Variants in ZDHHC24 observed in about 807,000 individuals in gnomAD.
The protein encoded by ZDHHC24 is probable palmitoyltransferase ZDHHC24.
ZDHHC24 carries 17 observed loss-of-function variants against 23.2 expected under a neutral mutation model. That is an observed-to-expected ratio of 0.73 (90% confidence interval 0.50 to 1.10). The LOEUF is 1.10. ZDHHC24 is among the 50% of genes least tolerant of loss of function. ZDHHC24 has a pLI of 0.00. For missense variants in ZDHHC24, 366 were observed against 393.0 expected (o/e 0.93, Z 0.58); for synonymous variants, 186 against 194.5 (o/e 0.96, Z 0.36).
At chr11:66,534,365 A>C (rs1204133815), downstream of ZDHHC24, among the ~76,000 whole-genome samples, 1 of 150,666 alleles carries the variant, frequency 6.6e-6, no homozygotes, top group Non-Finnish European at 1.5e-5. Flanking sequence ...ATTGCTTGAA[A>C]CAGGAAGGTG....
chr11:66,526,574 T>G, intron 4 of ZDHHC24: 1 of 1,592,064 alleles, frequency 6.3e-7, no homozygotes, highest in Non-Finnish European at 8.6e-7. Flanking sequence ...GGAGGCAGAT[T>G]GTTTGGGGAA....
intron 4 of ZDHHC24, among the ~76,000 whole-genome samples, chr11:66,525,217 C>G (rs569328001): frequency 6.9e-6 from 1 of 145,884 alleles, no homozygotes; most frequent in African/African-American, 2.6e-5. Flanking sequence ...AAAAAAAAGC[C>G]GGGTGTGATG....
At chr11:66,529,631 C>T (rs1014727256) in intron 2 of ZDHHC24, 9 of 737,228 alleles carry the variant, frequency 1.2e-5, no homozygotes, top group East Asian at 5.4e-5. Flanking sequence ...AGAGGCAGGG[C>T]GAGGCCACGG....
chr11:66,535,199 C>A (rs917673122), downstream of ZDHHC24, among the ~76,000 whole-genome samples: 2 of 151,380 alleles, frequency 1.3e-5, no homozygotes, highest in Non-Finnish European at 3.0e-5. Context: ...GGCCTGGACA[C>A]AACTTTTGTT....
rs1470003473 is a variant in ZDHHC24 at position 66,545,833 on chromosome 11, C to T, written c.171G>A (p.Leu57=). The change falls in exon 1 of 3, where the codon CTG becomes CTA. Residue 57 remains leucine (L), a synonymous_variant. Coordinates refer to ENST00000310442, the MANE Select transcript of ZDHHC24 (RefSeq NM_207340.3). The surrounding 1 kb of genome is among the most constrained non-coding windows in gnomAD (Gnocchi z 4.5). ...GCAGGTTGAGCAGCTGGAAGGCGGC[C>T]AGCGCCAGCTGCAAGGCCCGGGCCA... ...GPLARALQLA[L]AAFQLLNLLG... 2.6e-5 allele frequency: 41 copies of T among 1,564,272 alleles called. No homozygotes were observed. Among genetic ancestry groups the T allele is most frequent in the Non-Finnish European group, 3.4e-5 (39 of 1,161,078 alleles).
At position 66,539,481 on chromosome 11, in the gene ZDHHC24, C is replaced by G. The variant is rs376048364; in HGVS notation, c.*48G>C. 6.7e-7 allele frequency: 1 copy of G among 1,482,016 alleles called. No homozygotes were observed. The highest frequency in any genetic ancestry group is 8.9e-7 in the Non-Finnish European group (1 of 1,118,078). 91.8% of individuals were successfully genotyped at this position (1,482,016 alleles called of 1,614,324 possible). A position where few individuals can be genotyped will look rare whatever the true frequency, so the allele number is the denominator to read the frequency against. On this transcript the variant is annotated 3_prime_UTR_variant, in exon 3 of 3. Coordinates refer to ENST00000310442, the MANE Select transcript of ZDHHC24 (RefSeq NM_207340.3). ...TCCTTACTGAGTCTAGGTGTGGGGG[C>G]CCCCCTCTCACCCCTTCCTCCCTGC...
At chr11:66,530,937 A>G (rs1228689951), downstream of ZDHHC24, 1 of 1,614,220 alleles carries the variant, frequency 6.2e-7, no homozygotes, top group East Asian at 2.2e-5. Context: ...CTTCACCTGC[A>G]GAACACCTCA....
downstream of ZDHHC24, chr11:66,531,136 G>A: frequency 6.9e-7 from 1 of 1,459,752 alleles, no homozygotes; most frequent in Non-Finnish European, 9.4e-7. Flanking sequence ...GCGGGTGGCT[G>A]CCAGGTGGCC....
At chr11:66,532,384 C>T, downstream of ZDHHC24, 1 of 301,348 alleles carries the variant, frequency 3.3e-6, no homozygotes, top group Non-Finnish European at 6.4e-6. Flanking sequence ...TTCTCCACTG[C>T]CACGTCCCTC....
At chr11:66,534,634 C>A (rs950842902), downstream of ZDHHC24, among the ~76,000 whole-genome samples, 1 of 151,630 alleles carries the variant, frequency 6.6e-6, no homozygotes. Context: ...CCTGTCCCTA[C>A]CAAAAAAAAT....
rs1175302831 is a variant in ZDHHC24 at position 66,545,092 on chromosome 11, TGCAGTG to T, written c.281+625_281+630del. 6.6e-6 allele frequency among the ~76,000 whole-genome samples: 1 copy of T among 152,198 alleles called. No individual in the cohort carries two copies. Among genetic ancestry groups the T allele is most frequent in the Non-Finnish European group, 1.5e-5 (1 of 68,036 alleles). ...TCTTGCTCTGTCACCCAGGCTGGAG[TGCAGTG>T]GCTCGATCTCGGCTCACTGCAACCT... On this transcript the variant is annotated intron_variant, in intron 1 of 2. Coordinates refer to ENST00000310442, the MANE Select transcript of ZDHHC24 (RefSeq NM_207340.3). This position sits in a 1 kb window ranked among gnomAD's most constrained non-coding sequence, Gnocchi z 4.5.
At chr11:66,523,885 G>A in intron 4 of ZDHHC24, 1 of 1,612,828 alleles carries the variant, frequency 6.2e-7, no homozygotes, top group South Asian at 1.1e-5. Context: ...ACACCCCGGT[G>A]AGCCCCATCT....
At chr11:66,524,835 G>A (rs2134801900) in intron 4 of ZDHHC24, among the ~76,000 whole-genome samples, 1 of 152,272 alleles carries the variant, frequency 6.6e-6, no homozygotes, top group South Asian at 2.1e-4. Flanking sequence ...GGAAGGCTGA[G>A]GCAGGCGATC....
At position 66,543,823 on chromosome 11, in the gene ZDHHC24, G is replaced by C; in HGVS notation, c.440C>G (p.Ala147Gly). Residue 147 changes from alanine (A) to glycine (G), a missense_variant, in exon 2 of 3, where the codon GCC (alanine) becomes GGC (glycine). Coordinates refer to ENST00000310442, the MANE Select transcript of ZDHHC24 (RefSeq NM_207340.3). Reference protein sequence around the residue: ...RPFLCLLLHAAGVLLHVSVLL... With the variant: ...RPFLCLLLHAGGVLLHVSVLL... ...CACAGAGACGTGGAGCAGGACGCCG[G>C]CGGCATGAAGCAGCAGGCACAGGAA... 6.2e-7 allele frequency: 1 copy of C among 1,613,760 alleles called. No homozygotes were observed. The highest frequency in any genetic ancestry group is 8.5e-7 in the Non-Finnish European group (1 of 1,179,802).
rs761144003 is a variant in ZDHHC24, at chr11:66,545,674, C to T, written c.281+49G>A. ...ATCTCAGGTCTTGGGGCCCCTCCCC[C>T]CTGTCCAAGGCTCCCACTTCTCCCC... On this transcript the variant is annotated intron_variant, in intron 1 of 2. Coordinates refer to ENST00000310442, the MANE Select transcript of ZDHHC24 (RefSeq NM_207340.3). The surrounding 1 kb of genome is among the most constrained non-coding windows in gnomAD (Gnocchi z 4.5). 7 of 1,446,136 alleles carry T rather than the reference C, an allele frequency of 4.8e-6. No individual in the cohort carries two copies. The highest frequency in any genetic ancestry group is 2.8e-5 in the Admixed American group (1 of 36,262). The allele number at this position is 1,446,136 out of a possible 1,614,324, so 89.6% of individuals were successfully genotyped here.
chr11:66,529,067 C>G (rs1387821373), intron 3 of ZDHHC24: 6 of 982,862 alleles, frequency 6.1e-6, no homozygotes, highest in Non-Finnish European at 7.2e-6. Context: ...TGTAAAAGTA[C>G]TAGAGAAAAA....
At chr11:66,531,521 C>A, downstream of ZDHHC24, 1 of 1,152,322 alleles carries the variant, frequency 8.7e-7, no homozygotes, top group Non-Finnish European at 1.3e-6. Context: ...CCTGCATCCT[C>A]CTCCACCCAG....
exon 5 of ZDHHC24, chr11:66,521,242 T>G: frequency 6.4e-7 from 1 of 1,565,828 alleles, no homozygotes; most frequent in Non-Finnish European, 8.8e-7. Flanking sequence ...TCCAGAGAAA[T>G]TGGAGTGTTT....
chr11:66,539,286 C>G lies in ZDHHC24; in HGVS notation c.*243G>C. ...AGAAACAAGTCAGTGCTTTATTAAC[C>G]TGGCAAAGGGGCAGCTAGGCGGCCT... On this transcript the variant is annotated 3_prime_UTR_variant, in exon 3 of 3. Coordinates refer to ENST00000310442, the MANE Select transcript of ZDHHC24 (RefSeq NM_207340.3). The G allele has an allele frequency of 8.1e-7, 1 of 1,238,674 alleles. No individual in the cohort carries two copies. Among genetic ancestry groups the G allele is most frequent in the South Asian group, 3.6e-5 (1 of 27,888 alleles). The allele number at this position is 1,238,674 out of a possible 1,614,324, so 76.7% of individuals were successfully genotyped here.
Sources: allele counts gnomAD v4.1 joint callset (sites outside exome capture counted in the v4.1 genomes callset), GRCh38; gene constraint gnomAD v4.1.1; non-coding constraint Gnocchi (gnomAD v3.1); transcripts MANE v1.5; gene names NCBI Gene and HGNC (gene_info 2026-07-23, HGNC 2026-07-21).